IGF2R: variants seen among roughly 807,000 people sequenced by gnomAD.
The protein encoded by IGF2R is cation-independent mannose-6-phosphate receptor.
IGF2R carries 91 observed loss-of-function variants against 270.6 expected under a neutral mutation model. The observed-to-expected ratio is 0.34, with a 90% CI of 0.28 to 0.40. IGF2R has a LOEUF of 0.40. Ranked by LOEUF, IGF2R falls within the 10% of genes least tolerant of loss-of-function variation. IGF2R has a pLI of 1.00. For synonymous variants in IGF2R, 1,316 were observed against 1,258.9 expected, an observed-to-expected ratio of 1.05 and a Z score of -0.96; for missense variants, 2,805 against 3,188.3, an observed-to-expected ratio of 0.88 and a Z score of 2.90.
intron 44 of IGF2R, among the ~76,000 whole-genome samples, chr6:160,092,500 A>G (rs1435798504): frequency 2.0e-5 from 3 of 152,262 alleles, no homozygotes; most frequent in Non-Finnish European, 4.4e-5. Context: ...AATCCCTTTC[A>G]GACCTTTTCA....
rs1805075 is a variant in IGF2R at position 160,084,175 on chromosome 6, A to G, written c.6059A>G (p.Asn2020Ser). Residue 2020 changes from asparagine to serine, a missense_variant, in exon 40 of 48, where the codon AAC (asparagine) becomes AGC (serine). Around this residue, in one of 2 missense-constraint regions of IGF2R, gnomAD observed 1,851 missense variants for 2,207.2 expected, o/e 0.84. Transcript: ENST00000356956. The surrounding 1 kb of genome is among the most constrained non-coding windows in gnomAD (Gnocchi z 4.6). ...ACCGGGTCCTGGTCCCTCGTCCACA[A>G]CGGAGTCTCGTGAGTGCCTTCCCAG... ...SLTGSWSLVH[N>S]GVSYYINLCQ... 0.062 allele frequency: 99,464 copies of G among 1,608,400 alleles called. 6,251 individuals are homozygous for G. Among genetic ancestry groups the G allele is most frequent in the East Asian group, 0.32 (14,177 of 44,824 alleles).
chr6:160,074,498 G>A (rs1184496138), intron 35 of IGF2R, among the ~76,000 whole-genome samples: 1 of 152,202 alleles, frequency 6.6e-6, no homozygotes. Context: ...ACCCAGCCAG[G>A]CTGGCCTCAG....
chr6:160,007,666 C>T (rs1401274558), intron 2 of IGF2R: 2 of 152,188 alleles, frequency 1.3e-5, no homozygotes, highest in African/African-American at 2.4e-5. Flanking sequence ...TGTGCTTTCT[C>T]AGTCAGAGGT....
At chr6:160,074,032 C>G (rs1778804127) in intron 35 of IGF2R, 57 bp downstream of exon 35, 1 of 1,278,208 alleles carries the variant, frequency 7.8e-7, no homozygotes, top group Non-Finnish European at 1.1e-6. Flanking sequence ...TAGTGATAAC[C>G]TTTGCGTTGT....
Position 160,092,867 on chromosome 6 carries a change from T to C in IGF2R, c.6655+2764T>C, listed in dbSNP as rs141721700. 3.3e-3 allele frequency among the ~76,000 whole-genome samples: 497 copies of C among 152,326 alleles called. 5 individuals are homozygous for C. The highest frequency in any genetic ancestry group is 0.012 in the African/African-American group (484 of 41,574). On this transcript the variant is annotated intron_variant, in intron 44 of 47. Coordinates refer to ENST00000356956, the MANE Select transcript of IGF2R (RefSeq NM_000876.4). ...CCAGCAGCACCAGCCACAAAGATTTTCAGCCAGTGACAAAGGTTGGGAGCA... is the reference window on the plus strand; with the variant it reads ...CCAGCAGCACCAGCCACAAAGATTTCCAGCCAGTGACAAAGGTTGGGAGCA...
At chr6:159,978,829 G>A (rs911627253) in intron 1 of IGF2R, among the ~76,000 whole-genome samples, 19 of 152,200 alleles carry the variant, frequency 1.2e-4, no homozygotes, top group Non-Finnish European at 2.8e-4. Context: ...CAGACCTTTG[G>A]TAGGAGTTTT....
At position 160,042,785 on chromosome 6, in the gene IGF2R, G is replaced by A. The variant is rs1777974563; in HGVS notation, c.1481-363G>A. ...TTAAGCGGGGTGTACTAGCAATGAT[G>A]TACCACTCTACTGCGTCCCAAGACA... On this transcript the variant is annotated intron_variant, in intron 11 of 47. Transcript: ENST00000356956. Among the ~76,000 whole-genome samples the A allele has an allele frequency of 5.3e-5, 8 of 152,188 alleles. No homozygotes were observed. In the South Asian group the frequency reaches 1.7e-3, roughly 32 times the overall value.
intron 19 of IGF2R, 26 bp from the exon 20 acceptor site, chr6:160,056,397 AC>A (rs761032729): frequency 2.0e-6 from 3 of 1,467,296 alleles, no homozygotes; most frequent in East Asian, 2.3e-5. Flanking sequence ...TACTGTATTG[AC>A]TTTTACCCTG....
intron 1 of IGF2R, among the ~76,000 whole-genome samples, chr6:159,975,792 A>G (rs957302576): frequency 1.4e-5 from 2 of 147,592 alleles, no homozygotes; most frequent in African/African-American, 4.9e-5. Context: ...ATAATATATA[A>G]TATATAGTTA....
In IGF2R at chr6:160,102,519, G is replaced by A; in HGVS notation, c.6843G>A (p.Gly2281=). The A allele has an allele frequency of 6.2e-7, 1 of 1,611,622 alleles. No individual in the cohort carries two copies. The highest frequency in any genetic ancestry group is 8.5e-7 in the Non-Finnish European group (1 of 1,179,394). ...CTCCTTTTCTGTGACGTCCTTGCAG[G>A]GTGGGCTTTGACAGCGAGAATCCCG... The part of the protein sequence containing the change: ...SWYTSAVCPL[G]VGFDSENPGD... Residue 2281 remains glycine, a splice_region_variant and synonymous_variant, in exon 46 of 48, where the codon GGG becomes GGA. Coordinates refer to ENST00000356956, the MANE Select transcript of IGF2R (RefSeq NM_000876.4). The surrounding 1 kb of genome is among the most constrained non-coding windows in gnomAD (Gnocchi z 4.5).
intron 2 of IGF2R, among the ~76,000 whole-genome samples, chr6:159,999,429 T>A (rs532831144): frequency 6.6e-6 from 1 of 152,152 alleles, no homozygotes. Context: ...TGGATTTGAA[T>A]GTGGACAGCC....
intron 6 of IGF2R, among the ~76,000 whole-genome samples, chr6:160,028,744 T>C (rs867240462): frequency 6.6e-6 from 1 of 152,126 alleles, no homozygotes. Flanking sequence ...ACAAAACTTT[T>C]GGCTGGCACT....
chr6:160,041,153 C>T (rs191629075), intron 11 of IGF2R, among the ~76,000 whole-genome samples: 1 of 152,248 alleles, frequency 6.6e-6, no homozygotes, highest in East Asian at 1.9e-4. Context: ...GCAGCAGCGC[C>T]CCCCACAGCA....
chr6:160,073,831 G>A lies in IGF2R; in HGVS notation c.5022G>A (p.Glu1674=). The A allele has an allele frequency of 6.2e-7, 1 of 1,614,078 alleles. No homozygotes were observed. Residue 1674 remains glutamate (E), a synonymous_variant, in exon 35 of 48, where the codon GAG becomes GAA. Coordinates refer to ENST00000356956, the MANE Select transcript of IGF2R (RefSeq NM_000876.4). ...TTATTCATCGCACTGGTGGTTATGA[G>A]GCTTATGATGAGAGTGAGGATGATG... ...SPLIHRTGGY[E]AYDESEDDAS... is the part of the protein sequence containing the mutation.
chr6:160,047,255 C>A lies in IGF2R; in HGVS notation c.2148C>A (p.Asn716Lys). The A allele has an allele frequency of 1.2e-6, 2 of 1,612,388 alleles. No homozygotes were observed. Among genetic ancestry groups the A allele is most frequent in the Non-Finnish European group, 1.7e-6 (2 of 1,179,244 alleles). Residue 716 changes from asparagine to lysine, a missense_variant, in exon 16 of 48, where the codon AAC becomes AAA. Physicochemically the swap from Asn to Lys is moderately conservative, Grantham distance 94. This residue lies in a region of IGF2R where 954 missense variants were observed against 981.1 expected (regional missense o/e 0.97). Transcript: ENST00000356956. The part of the protein sequence containing the change: ...QLNYRGGTPY[N>K]NERHTPRATL... ...ACTACAGAGGCGGCACACCCTATAA[C>A]AATGAAAGACACACACCGAGAGCTA... is the stretch of plus-strand genomic sequence containing the variant.
At chr6:160,019,100 A>G (rs35646088) in intron 4 of IGF2R, among the ~76,000 whole-genome samples, 5,472 of 152,224 alleles carry the variant, frequency 0.036, 158 homozygotes, top group Middle Eastern at 0.092. Context: ...ATCAGAAATA[A>G]GAAAGTAGAC....
intron 41 of IGF2R, among the ~76,000 whole-genome samples, chr6:160,087,304 G>C (rs970551457): frequency 3.3e-5 from 5 of 152,226 alleles, no homozygotes; most frequent in Non-Finnish European, 7.3e-5. Context: ...ATATGATAGA[G>C]AGAGTTTACA....
rs1450709601 is a variant in IGF2R, at chr6:160,032,691, C to T, written c.1023C>T (p.Leu341=). Reference sequence around the variant, plus strand: ...AGCAGCAGGATGTCTCCATAGACCTCACACCACTTGCCCAGAGCGGAGGTA... The same window carrying T: ...AGCAGCAGGATGTCTCCATAGACCTTACACCACTTGCCCAGAGCGGAGGTA... The part of the protein sequence containing the change: ...SGEQQDVSID[L]TPLAQSGGSS... The change falls in exon 8 of 48, where the codon CTC becomes CTT. Residue 341 remains leucine, a synonymous_variant. Transcript: ENST00000356956. The T allele has an allele frequency of 3.7e-6, 6 of 1,614,048 alleles. No homozygotes were observed. Among genetic ancestry groups the T allele is most frequent in the Non-Finnish European group, 5.1e-6 (6 of 1,179,998 alleles).
chr6:160,062,525 A>G lies in IGF2R; in HGVS notation c.3583-7A>G, dbSNP rs552543091. ...GAAACAAATCAGGCTGCTGATTTATATTACAGGGCTCACCAGCATTTCAGC... is the reference window on the plus strand; with the variant it reads ...GAAACAAATCAGGCTGCTGATTTATGTTACAGGGCTCACCAGCATTTCAGC... On this transcript the variant is annotated splice_region_variant and splice_polypyrimidine_tract_variant and intron_variant, in intron 25 of 47. Transcript: ENST00000356956. 3 of 1,607,284 alleles carry G rather than the reference A, an allele frequency of 1.9e-6. No homozygotes were observed. The highest frequency in any genetic ancestry group is 1.3e-5 in the African/African-American group (1 of 74,860).
Sources: gnomAD v4.1 joint callset for allele counts (sites outside exome capture counted in the v4.1 genomes callset) on GRCh38, gnomAD v4.1.1 for gene constraint, gnomAD v4.1.1 regional missense constraint, Gnocchi (gnomAD v3.1) non-coding constraint, MANE v1.5 for transcripts, NCBI Gene and HGNC (gene_info 2026-07-23, HGNC 2026-07-21) for gene names.